ARMCX4: variants seen among roughly 807,000 people sequenced by gnomAD.
The protein encoded by ARMCX4 is armadillo repeat-containing X-linked protein 4.
A neutral mutation model predicts 34.7 loss-of-function variants in ARMCX4; 3 were observed. That is an observed-to-expected ratio of 0.09 (90% CI 0.04 to 0.22). ARMCX4 has a LOEUF of 0.22. ARMCX4 is among the 10% of genes least tolerant of loss of function. The pLI, the probability that ARMCX4 is intolerant of heterozygous loss-of-function variation, is 1.00. For missense variants in ARMCX4, 1,448 were observed against 1,720.8 expected, an observed-to-expected ratio of 0.84 and a Z score of 2.81; for synonymous variants, 513 against 632.8, an observed-to-expected ratio of 0.81 and a Z score of 2.84.
At chrX:101,499,534 G>A (rs1307419716), downstream of ARMCX4, among the ~76,000 whole-genome samples, 1 of 112,149 alleles carries the variant, frequency 8.9e-6, no homozygotes, top group Non-Finnish European at 1.9e-5. Flanking sequence ...TCTTTTGCAT[G>A]CCAGGGCTCA....
downstream of ARMCX4, among the ~76,000 whole-genome samples, chrX:101,535,937 AC>A (rs1474023428): frequency 1.8e-5 from 2 of 111,495 alleles, no homozygotes; most frequent in African/African-American, 3.3e-5. Context: ...AATGTATTCT[AC>A]TATGTGTTAC....
chrX:101,444,372 T>G (rs1444006295), intron 3 of ARMCX4, among the ~76,000 whole-genome samples: 1 of 112,925 alleles, frequency 8.9e-6, no homozygotes, highest in African/African-American at 3.2e-5. Flanking sequence ...AGAGAGAATC[T>G]CCGCACCTTT....
chrX:101,480,839 T>A (rs1054437122), upstream of ARMCX4, among the ~76,000 whole-genome samples: 1 of 112,156 alleles, frequency 8.9e-6, no homozygotes, highest in African/African-American at 3.2e-5. Context: ...AGGACAATCT[T>A]GCCAGGTGCA....
intron 2 of ARMCX4, among the ~76,000 whole-genome samples, chrX:101,442,502 T>C (rs1439953068): frequency 2.7e-5 from 3 of 111,996 alleles, no homozygotes; most frequent in African/African-American, 9.8e-5. Flanking sequence ...TCTTTTCTTA[T>C]ACACCTTCTT....
rs782153054 is a variant in ARMCX4, at chrX:101,433,985, G to A, written n.165-10067G>A. The stretch of plus-strand genomic sequence containing the variant: ...TTCCGAGATGGGGTCTGGCTCTGTC[G>A]CCCAGGCTGGAGTGCAATGGCTTGA... On this transcript the variant is annotated intron_variant and non_coding_transcript_variant, in intron 2 of 3. Coordinates refer to the ARMCX4 transcript ENST00000430461. Among the ~76,000 whole-genome samples, 189 of 105,615 alleles carry A rather than the reference G, an allele frequency of 1.8e-3. 1 individual carries two copies. The highest frequency in any genetic ancestry group is 3.3e-3 in the Non-Finnish European group (172 of 51,573). The allele number at this position is 105,615 out of a possible 115,157, so 91.7% of individuals were successfully genotyped here.
At chrX:101,419,438 G>T (rs1929103337) in intron 2 of ARMCX4, among the ~76,000 whole-genome samples, 2 of 111,689 alleles carry the variant, frequency 1.8e-5, no homozygotes, top group South Asian at 7.4e-4. Flanking sequence ...AAAAGGGGGA[G>T]AACTTTATGA....
chrX:101,481,159 C>T (rs1933429734), upstream of ARMCX4, among the ~76,000 whole-genome samples: 1 of 111,797 alleles, frequency 8.9e-6, no homozygotes, highest in African/African-American at 3.3e-5. Flanking sequence ...CTTTTGTTGA[C>T]TCTTATATTG....
At chrX:101,469,042 C>A (rs1280587193) in intron 4 of ARMCX4, among the ~76,000 whole-genome samples, 1 of 111,916 alleles carries the variant, frequency 8.9e-6, no homozygotes, top group African/African-American at 3.2e-5. Context: ...AAATACAGCC[C>A]TTCTGCAAAA....
At chrX:101,459,982 A>T (rs1370476328) in intron 4 of ARMCX4, among the ~76,000 whole-genome samples, 1 of 112,941 alleles carries the variant, frequency 8.9e-6, no homozygotes, top group African/African-American at 3.2e-5. Context: ...GATTCAGACC[A>T]TCTGGTTGAG....
intron 4 of ARMCX4, among the ~76,000 whole-genome samples, chrX:101,462,876 C>G (rs140176110): frequency 1.4e-4 from 16 of 111,517 alleles, no homozygotes; most frequent in Non-Finnish European, 2.8e-4. Flanking sequence ...CCCTTCAGCT[C>G]AGGCTGGAAG....
chrX:101,530,844 A>G (rs1935113837), intron 11 of ARMCX4, among the ~76,000 whole-genome samples: 1 of 112,571 alleles, frequency 8.9e-6, no homozygotes, highest in African/African-American at 3.2e-5. Flanking sequence ...CTTGAACCTC[A>G]GGAATGGAGA....
At chrX:101,431,401 C>T (rs1474617530) in intron 2 of ARMCX4, among the ~76,000 whole-genome samples, 4 of 112,307 alleles carry the variant, frequency 3.6e-5, no homozygotes, top group East Asian at 2.8e-4. Context: ...GCTCTCAATA[C>T]GTTTTCTGCA....
At chrX:101,504,318 G>C (rs1195697861) in intron 7 of ARMCX4, among the ~76,000 whole-genome samples, 1 of 111,527 alleles carries the variant, frequency 9.0e-6, no homozygotes, top group African/African-American at 3.3e-5. Flanking sequence ...TCCCAATTCT[G>C]TGAAGAAAGT....
intron 7 of ARMCX4, among the ~76,000 whole-genome samples, chrX:101,501,359 T>C (rs893526340): frequency 1.8e-5 from 2 of 113,043 alleles, no homozygotes; most frequent in African/African-American, 6.4e-5. Context: ...GGTTCTTGGC[T>C]TCACTCAGGA....
chrX:101,505,124 C>T (rs1466180611), exon 8 of ARMCX4: 1 of 111,200 alleles, frequency 9.0e-6, no homozygotes, highest in African/African-American at 3.3e-5. Context: ...TGGGGAATCT[C>T]TCCTGATGAG....
chrX:101,528,123 A>C (rs1029607147), intron 11 of ARMCX4, among the ~76,000 whole-genome samples: 16 of 111,844 alleles, frequency 1.4e-4, no homozygotes, highest in Non-Finnish European at 2.1e-4. Context: ...CACATCAAAA[A>C]GCTTATCCAC....
At chrX:101,431,254 G>T (rs1555991881) in intron 2 of ARMCX4, among the ~76,000 whole-genome samples, 1 of 111,994 alleles carries the variant, frequency 8.9e-6, no homozygotes, top group African/African-American at 3.2e-5. Context: ...GAGGGGCTTT[G>T]AAGATACACA....
chrX:101,486,946 A>T (rs782321301), intron 2 of ARMCX4, among the ~76,000 whole-genome samples: 101 of 105,508 alleles, frequency 9.6e-4, no homozygotes, highest in African/African-American at 3.4e-3. Flanking sequence ...AAAAAATAAA[A>T]TAAATAAAAT....
chrX:101,459,826 A>G (rs1556000978), intron 4 of ARMCX4, among the ~76,000 whole-genome samples: 1 of 112,332 alleles, frequency 8.9e-6, no homozygotes, highest in African/African-American at 3.2e-5. Flanking sequence ...TGTCACCTCC[A>G]CTGAGGAGAC....
Sources: allele counts gnomAD v4.1 joint callset (sites outside exome capture counted in the v4.1 genomes callset), GRCh38; gene constraint gnomAD v4.1.1; transcripts MANE v1.5; gene names NCBI Gene and HGNC (gene_info 2026-07-23, HGNC 2026-07-21).